The following SAMMSON variants were observed in gnomAD, a reference collection of about 807,000 sequenced individuals.
The protein encoded by SAMMSON is survival associated mitochondrial melanoma specific oncogenic non-coding RNA, also known as long intergenic non-protein coding RNA 1212.
chr3:70,193,487 C>A (rs960828201), intron 4 of SAMMSON, among the ~76,000 whole-genome samples: 1 of 152,030 alleles, frequency 6.6e-6, no homozygotes, highest in African/African-American at 2.4e-5. Context: ...TTTGTAGAGA[C>A]AGGGGTCTCA....
rs536252957 is a variant in SAMMSON, at chr3:70,000,041, G to T, written n.22+174G>T. 4.6e-5 allele frequency among the ~76,000 whole-genome samples: 7 copies of T among 152,288 alleles called. No individual in the cohort carries two copies. In the East Asian group the frequency reaches 1.4e-3, roughly 29 times the overall value. Reference sequence around the variant, plus strand: ...ACCAATTTTTCCGGTACACCAAGGCGAGAAATCCGGGGATACAGAAAGCCC... The same window carrying T: ...ACCAATTTTTCCGGTACACCAAGGCTAGAAATCCGGGGATACAGAAAGCCC... On this transcript the variant is annotated intron_variant and non_coding_transcript_variant, in intron 1 of 9. Coordinates refer to ENST00000642114, the Ensembl canonical transcript of SAMMSON.
chr3:70,206,015 C>T (rs572442208), intron 4 of SAMMSON: 1 of 152,016 alleles, frequency 6.6e-6, no homozygotes, highest in African/African-American at 2.4e-5. Flanking sequence ...GAAATGTACT[C>T]TTTATGTCAT....
At position 70,344,383 on chromosome 3, in the gene SAMMSON, TG is replaced by T. The variant is rs544441672; in HGVS notation, n.740-9790del. ...GTTGGAGAGGAGATTGGCCACTGGA[TG>T]GTCAAACTCCAGGGCAAGATCATCT... On this transcript the variant is annotated intron_variant and non_coding_transcript_variant, in intron 7 of 9. Transcript: ENST00000642114. Among the ~76,000 whole-genome samples, 13 of 152,136 alleles carry T rather than the reference TG, an allele frequency of 8.5e-5. 1 individual carries two copies. In the East Asian group the frequency reaches 2.5e-3, roughly 29 times the overall value.
chr3:70,370,798 G>A (rs1188228596), intron 9 of SAMMSON, among the ~76,000 whole-genome samples: 4 of 151,854 alleles, frequency 2.6e-5, no homozygotes, highest in Non-Finnish European at 5.9e-5. Flanking sequence ...TTCCTTTGCT[G>A]TGCAGGAACT....
At chr3:70,287,843 C>A (rs1286718877) in intron 6 of SAMMSON, among the ~76,000 whole-genome samples, 1 of 151,604 alleles carries the variant, frequency 6.6e-6, no homozygotes, top group Non-Finnish European at 1.5e-5. Context: ...AGTTTATTTG[C>A]GTAGAGGTGT....
chr3:70,433,905 C>T (rs1000856231), intron 2 of SAMMSON, among the ~76,000 whole-genome samples: 3 of 152,070 alleles, frequency 2.0e-5, no homozygotes, highest in Non-Finnish European at 2.9e-5. Context: ...AAGCTCTGTC[C>T]TTTCTTCATT....
At chr3:70,369,380 C>T (rs1702946704) in intron 9 of SAMMSON, among the ~76,000 whole-genome samples, 1 of 151,586 alleles carries the variant, frequency 6.6e-6, no homozygotes, top group Non-Finnish European at 1.5e-5. Context: ...TGGAGCATGA[C>T]AGGAAAAAAA....
At chr3:70,281,721 T>C (rs762776232) in intron 6 of SAMMSON, among the ~76,000 whole-genome samples, 8 of 152,160 alleles carry the variant, frequency 5.3e-5, no homozygotes, top group Non-Finnish European at 5.9e-5. Flanking sequence ...AGTGAACTCC[T>C]TCTCGTCTTT....
chr3:70,407,833 G>A (rs1440373183), intron 2 of SAMMSON, among the ~76,000 whole-genome samples: 3 of 152,254 alleles, frequency 2.0e-5, no homozygotes, highest in Non-Finnish European at 4.4e-5. Context: ...CAGAGCCCCA[G>A]TGGGAGCTCT....
intron 6 of SAMMSON, among the ~76,000 whole-genome samples, chr3:70,257,838 G>A (rs898995194): frequency 3.9e-5 from 6 of 152,110 alleles, no homozygotes; most frequent in African/African-American, 1.4e-4. Flanking sequence ...TTTTGAAACA[G>A]AACACAACAG....
chr3:70,168,974 T>C lies in SAMMSON; in HGVS notation n.508-80133T>C, dbSNP rs573875639. On this transcript the variant is annotated intron_variant and non_coding_transcript_variant, in intron 4 of 9. Transcript: ENST00000642114. The stretch of plus-strand genomic sequence containing the variant: ...GCTGTGTGTTGAATTGCACTGACTA[T>C]GCTAAAGCTGCTCTCCTAATAGAAA... Among the ~76,000 whole-genome samples, 12 of 152,094 alleles carry C rather than the reference T, an allele frequency of 7.9e-5. 1 individual carries two copies. In the South Asian group the frequency reaches 2.1e-3, roughly 26 times the overall value.
In SAMMSON at chr3:70,214,295, A is replaced by G. The variant is rs1701383783; in HGVS notation, n.508-34812A>G. 2.0e-5 allele frequency among the ~76,000 whole-genome samples: 3 copies of G among 152,246 alleles called. No individual in the cohort carries two copies. In the South Asian group the frequency reaches 6.2e-4, roughly 32 times the overall value. On this transcript the variant is annotated intron_variant and non_coding_transcript_variant, in intron 4 of 9. Transcript: ENST00000642114. ...TTCAAGTTAAAGTCACAGTCGTATA[A>G]ATCGTTGTTTTGATTTGTCTTCTGT...
intron 4 of SAMMSON, among the ~76,000 whole-genome samples, chr3:70,150,251 A>G (rs1422414139): frequency 6.6e-6 from 1 of 151,904 alleles, no homozygotes; most frequent in African/African-American, 2.4e-5. Context: ...ACCCTTTTTC[A>G]GTTTCAGTTA....
intron 4 of SAMMSON, among the ~76,000 whole-genome samples, chr3:70,169,155 G>T (rs987029619): frequency 3.9e-5 from 6 of 152,000 alleles, no homozygotes; most frequent in African/African-American, 1.4e-4. Context: ...GAGAAAAAAA[G>T]ATATTTTGGA....
intron 6 of SAMMSON, among the ~76,000 whole-genome samples, chr3:70,286,407 C>T (rs1702163217): frequency 6.6e-6 from 1 of 151,732 alleles, no homozygotes; most frequent in African/African-American, 2.4e-5. Flanking sequence ...TGTTCTGTTC[C>T]ATTGATCTAT....
chr3:70,373,803 G>C (rs923072416), intron 9 of SAMMSON, among the ~76,000 whole-genome samples: 1 of 151,712 alleles, frequency 6.6e-6, no homozygotes, highest in Non-Finnish European at 1.5e-5. Context: ...TTTTTCATTT[G>C]GTTCTTCTTT....
intron 4 of SAMMSON, chr3:70,159,763 T>C (rs2067607119): frequency 6.6e-6 from 1 of 152,094 alleles, no homozygotes; most frequent in Admixed American, 6.6e-5. Flanking sequence ...TTCACCATGT[T>C]GGCCAGGATG....
At chr3:70,018,312 G>T (rs1192668635) in intron 3 of SAMMSON, among the ~76,000 whole-genome samples, 2 of 152,130 alleles carry the variant, frequency 1.3e-5, no homozygotes, top group African/African-American at 4.8e-5. Context: ...TTATTCTTGG[G>T]AGGGTGTATG....
intron 2 of SAMMSON, among the ~76,000 whole-genome samples, chr3:70,419,797 C>T (rs1305089735): frequency 3.9e-5 from 6 of 152,112 alleles, no homozygotes; most frequent in Non-Finnish European, 7.4e-5. Context: ...TGCCACCACA[C>T]CCGGCTAATT....
Sources: allele counts gnomAD v4.1 joint callset (sites outside exome capture counted in the v4.1 genomes callset), GRCh38; gene constraint gnomAD v4.1.1; transcripts MANE v1.5; gene names NCBI Gene and HGNC (gene_info 2026-07-23, HGNC 2026-07-21).